DUSP15: variants seen among roughly 807,000 people sequenced by gnomAD.
The protein encoded by DUSP15 is dual specificity phosphatase 15.
DUSP15 carries 23 observed loss-of-function variants against 26.3 expected under a neutral mutation model. The ratio of observed to expected loss-of-function variants is 0.87; its 90% CI spans 0.63 to 1.24. The LOEUF (loss-of-function observed/expected upper bound fraction) is 1.24, where lower values mean the gene tolerates loss of function less well. Ranked by LOEUF, DUSP15 falls within the 50% of genes most tolerant of loss-of-function variation. DUSP15 has a pLI of 0.00. For synonymous variants in DUSP15, 143 were observed against 135.5 expected, an observed-to-expected ratio of 1.06 and a Z score of -0.39; for missense variants, 364 against 320.6, an observed-to-expected ratio of 1.14 and a Z score of -1.03.
chr20:31,864,908 AAGG>A, intron 4 of DUSP15, 42 bp downstream of exon 4: 4 of 1,584,268 alleles, frequency 2.5e-6, no homozygotes, highest in Non-Finnish European at 3.5e-6. Flanking sequence ...CCCACCACAG[AAGG>A]CAGCTGTCTG....
intron 6 of DUSP15, among the ~76,000 whole-genome samples, chr20:31,854,360 G>A (rs1228155254): frequency 6.6e-6 from 1 of 152,214 alleles, no homozygotes; most frequent in African/African-American, 2.4e-5. Context: ...ACCTCGTGAG[G>A]TTGGGGTGGG....
At chr20:31,848,477 G>A in exon 10 of DUSP15, 1 of 1,611,984 alleles carries the variant, frequency 6.2e-7, no homozygotes, top group Non-Finnish European at 8.5e-7. Context: ...GATGCCATCG[G>A]GGTTGCCAGG....
chr20:31,865,480 A>AT (rs1275079762), intron 3 of DUSP15, among the ~76,000 whole-genome samples: 1 of 152,176 alleles, frequency 6.6e-6, no homozygotes. Flanking sequence ...ATTGTCAGGA[A>AT]TTTTTTCCAG....
intron 8 of DUSP15, chr20:31,848,981 C>A: frequency 8.3e-7 from 1 of 1,207,372 alleles, no homozygotes; most frequent in African/African-American, 1.5e-5. Flanking sequence ...TGGTGCCCAT[C>A]TTGTGCTCAT....
intron 1 of DUSP15, 37 bp from the exon 2 acceptor site, chr20:31,869,634 G>A (rs1364695171): frequency 1.2e-6 from 2 of 1,611,622 alleles, no homozygotes; most frequent in East Asian, 2.2e-5. Flanking sequence ...TGGGGCAGGG[G>A]CTGCACCCCC....
At position 31,867,647 on chromosome 20, in the gene DUSP15, T is replaced by TG. The variant is rs1568700149; in HGVS notation, c.56-495_56-494insC. 3.2e-4 allele frequency among the ~76,000 whole-genome samples: 44 copies of TG among 136,634 alleles called. 1 individual carries two copies. The highest frequency in any genetic ancestry group is 9.9e-4 in the African/African-American group (35 of 35,182). 89.6% of individuals were successfully genotyped at this position (136,634 alleles called of 152,430 possible). A position where few individuals can be genotyped will look rare whatever the true frequency, so the allele number is the denominator to read the frequency against. ...GCCCACAATGTTTTTTTTTTTTTTT[T>TG]TTTTTTTTTTTTTTTGAGACGGAGT... On this transcript the variant is annotated intron_variant, in intron 2 of 6. Coordinates refer to ENST00000339738, the MANE Select transcript of DUSP15 (RefSeq NM_080611.5).
At chr20:31,863,469 G>C (rs2123269632) in intron 5 of DUSP15, among the ~76,000 whole-genome samples, 1 of 152,294 alleles carries the variant, frequency 6.6e-6, no homozygotes, top group East Asian at 1.9e-4. Flanking sequence ...AGGAATGAAT[G>C]ACATCAACTG....
chr20:31,868,759 C>T (rs556150112), intron 2 of DUSP15, among the ~76,000 whole-genome samples: 5 of 152,292 alleles, frequency 3.3e-5, no homozygotes, highest in Admixed American at 6.5e-5. Flanking sequence ...GGATTAAAGG[C>T]GTGAGCCACT....
chr20:31,850,541 G>A, intron 7 of DUSP15: 1 of 1,488,072 alleles, frequency 6.7e-7, no homozygotes, highest in Non-Finnish European at 9.2e-7. Flanking sequence ...GAGAGAGGTG[G>A]GCTGGCCCCA....
chr20:31,847,664 C>T (rs1307559529), exon 10 of DUSP15: 1 of 152,156 alleles, frequency 6.6e-6, no homozygotes, highest in Admixed American at 6.5e-5. Flanking sequence ...ACTTTATTCC[C>T]ATGGCAGGGT....
intron 8 of DUSP15, chr20:31,849,687 C>G (rs1340104288): frequency 6.5e-7 from 1 of 1,531,548 alleles, no homozygotes; most frequent in Non-Finnish European, 8.7e-7. Flanking sequence ...CCAGGTGAGG[C>G]GGCAGGCCCT....
chr20:31,848,325 C>T (rs944914944), exon 10 of DUSP15: 106 of 1,429,462 alleles, frequency 7.4e-5, no homozygotes, highest in Non-Finnish European at 9.4e-5. Flanking sequence ...GGTGATGTGC[C>T]GGGGGAGGCC....
intron 4 of DUSP15, chr20:31,864,586 A>C: frequency 3.9e-6 from 2 of 507,018 alleles, no homozygotes; most frequent in Non-Finnish European, 5.1e-6. Flanking sequence ...CGGGGAAGTG[A>C]TTTGTTCAAG....
At chr20:31,861,725 G>T (rs1600465618) in intron 6 of DUSP15, 50 bp from the exon 7 acceptor site, 1 of 1,347,136 alleles carries the variant, frequency 7.4e-7, no homozygotes, top group Non-Finnish European at 9.5e-7. Context: ...GCGGGGCGGG[G>T]TCAAGGCAGC....
At chr20:31,869,989 A>G (rs1256486295) in intron 1 of DUSP15, 9 of 1,335,976 alleles carry the variant, frequency 6.7e-6, no homozygotes, top group Admixed American at 3.4e-5. Flanking sequence ...AGCCCCGGAG[A>G]GAGCCGAGGA....
chr20:31,868,409 C>T (rs1416066814), intron 2 of DUSP15, among the ~76,000 whole-genome samples: 1 of 152,122 alleles, frequency 6.6e-6, no homozygotes, highest in Non-Finnish European at 1.5e-5. Flanking sequence ...ATGATTTTCC[C>T]ACTTTGAGTC....
exon 7 of DUSP15, chr20:31,850,669 C>T (rs1461125716): frequency 1.2e-6 from 2 of 1,611,324 alleles, no homozygotes; most frequent in Non-Finnish European, 1.7e-6. Context: ...GGTCCTATGT[C>T]TGGCACCCTG....
intron 6 of DUSP15, chr20:31,850,697 G>A: frequency 6.2e-7 from 1 of 1,607,544 alleles, no homozygotes; most frequent in Non-Finnish European, 8.5e-7. Context: ...AGAGGAAGCA[G>A]TCAGGCACCA....
exon 10 of DUSP15, chr20:31,848,436 T>G: frequency 6.2e-7 from 1 of 1,611,504 alleles, no homozygotes; most frequent in Non-Finnish European, 8.5e-7. Flanking sequence ...GCGGCTCGCT[T>G]AGGATGGAGG....
Sources: allele counts gnomAD v4.1 joint callset (sites outside exome capture counted in the v4.1 genomes callset), GRCh38; gene constraint gnomAD v4.1.1; transcripts MANE v1.5; gene names NCBI Gene and HGNC (gene_info 2026-07-23, HGNC 2026-07-21).